Variants in SMARCA2 observed in about 807,000 individuals in gnomAD.
SMARCA2 encodes the protein SWI/SNF-related matrix-associated actin-dependent regulator of chromatin subfamily A member 2.
Under a neutral mutation model 199.8 loss-of-function variants are expected in SMARCA2, and 61 were observed. That is an observed-to-expected ratio of 0.31 (90% confidence interval 0.25 to 0.38). SMARCA2 has a LOEUF of 0.38. SMARCA2 is among the 10% of genes least tolerant of loss of function. The probability of loss-of-function intolerance (pLI) is 1.00; values close to 1 mark genes in which losing one functional copy is unlikely to be tolerated. For synonymous variants in SMARCA2, 935 were observed against 732.0 expected (o/e 1.28, Z -4.48); for missense variants, 1,344 against 2,012.2 (o/e 0.67, Z 6.35).
chr9:2,064,922 C>A (rs1393127744), intron 9 of SMARCA2, among the ~76,000 whole-genome samples: 1 of 152,246 alleles, frequency 6.6e-6, no homozygotes, highest in South Asian at 2.1e-4. Context: ...CGGCGGCTCA[C>A]GCCTGTAATC....
chr9:2,111,140 G>A (rs890818109), intron 24 of SMARCA2, among the ~76,000 whole-genome samples: 1 of 151,498 alleles, frequency 6.6e-6, no homozygotes, highest in African/African-American at 2.4e-5. Flanking sequence ...TATTGGGTAG[G>A]GTGATATTGG....
At chr9:2,105,217 C>G (rs570526935) in intron 23 of SMARCA2, among the ~76,000 whole-genome samples, 5 of 151,832 alleles carry the variant, frequency 3.3e-5, no homozygotes, top group African/African-American at 1.2e-4. Flanking sequence ...ATTAATTATA[C>G]CATTTGACAA....
intron 25 of SMARCA2, among the ~76,000 whole-genome samples, chr9:2,117,226 A>C (rs913759687): frequency 6.6e-6 from 1 of 152,172 alleles, no homozygotes; most frequent in African/African-American, 2.4e-5. Flanking sequence ...ATGTGAAGTA[A>C]AGCTTGATAT....
At chr9:2,063,920 C>G (rs376654836) in intron 9 of SMARCA2, among the ~76,000 whole-genome samples, 123 of 152,208 alleles carry the variant, frequency 8.1e-4, no homozygotes, top group Non-Finnish European at 1.3e-3. Flanking sequence ...CATTTTGTAA[C>G]TTCTCATTTT....
chr9:2,093,620 G>T (rs575656406), intron 19 of SMARCA2, among the ~76,000 whole-genome samples: 2 of 152,284 alleles, frequency 1.3e-5, no homozygotes, highest in African/African-American at 4.8e-5. Flanking sequence ...TAACAACCCT[G>T]GTCCCCAGAA....
At chr9:2,066,263 T>C (rs965658635) in intron 9 of SMARCA2, among the ~76,000 whole-genome samples, 18 of 152,234 alleles carry the variant, frequency 1.2e-4, no homozygotes, top group African/African-American at 4.1e-4. Context: ...CTTTATGTAA[T>C]GAGGCTGTTT....
intron 14 of SMARCA2, among the ~76,000 whole-genome samples, chr9:2,079,615 G>A (rs903154015): frequency 6.6e-6 from 1 of 152,096 alleles, no homozygotes; most frequent in Non-Finnish European, 1.5e-5. Flanking sequence ...GATCTTGGGG[G>A]GCCCTGAGAA....
chr9:2,085,783 C>T (rs1451048375), intron 17 of SMARCA2: 1 of 152,192 alleles, frequency 6.6e-6, no homozygotes, highest in Admixed American at 6.5e-5. Flanking sequence ...TCTCCCTTCT[C>T]TCTCTAGGAG....
rs1026129474 is a variant in SMARCA2, at chr9:2,056,994, A to C, written c.1347+149A>C. 100 of 677,798 alleles carry C rather than the reference A, an allele frequency of 1.5e-4. 1 individual carries two copies. The African/African-American group carries it at 1.7e-3, about 12-fold the overall frequency. 42.0% of individuals were successfully genotyped at this position (677,798 alleles called of 1,614,324 possible). ...CGGTTCCTTGACATGTACATAATCCAACCACATCATTTTATAGACAAAGAC... is the reference window on the plus strand; with the variant it reads ...CGGTTCCTTGACATGTACATAATCCCACCACATCATTTTATAGACAAAGAC... On this transcript the variant is annotated intron_variant, in intron 7 of 33. Coordinates refer to ENST00000349721, the MANE Select transcript of SMARCA2 (RefSeq NM_003070.5). The surrounding 1 kb of genome is among the most constrained non-coding windows in gnomAD (Gnocchi z 4.0).
intron 1 of SMARCA2, among the ~76,000 whole-genome samples, chr9:2,020,961 T>A (rs555296001): frequency 1.3e-5 from 2 of 152,250 alleles, no homozygotes; most frequent in African/African-American, 4.8e-5. Context: ...ATTATATAAT[T>A]GAAGCCTAGT....
chr9:2,091,083 CT>C (rs1563762218), intron 19 of SMARCA2, among the ~76,000 whole-genome samples: 1 of 152,110 alleles, frequency 6.6e-6, no homozygotes, highest in Non-Finnish European at 1.5e-5. Flanking sequence ...AGGAAAGAGG[CT>C]TTTACTTTTA....
intron 27 of SMARCA2, among the ~76,000 whole-genome samples, chr9:2,135,451 C>T (rs368738990): frequency 2.2e-4 from 34 of 152,292 alleles, no homozygotes; most frequent in African/African-American, 8.2e-4. Context: ...AATTAACCAT[C>T]ACATCAGTCA....
intron 19 of SMARCA2, among the ~76,000 whole-genome samples, chr9:2,091,712 C>G (rs1354249084): frequency 1.3e-5 from 2 of 152,148 alleles, no homozygotes; most frequent in Non-Finnish European, 2.9e-5. Context: ...ACTGGGTAGT[C>G]CCACCAGAAA....
At chr9:2,178,702 T>C (rs970630540) in intron 29 of SMARCA2, among the ~76,000 whole-genome samples, 2 of 151,982 alleles carry the variant, frequency 1.3e-5, no homozygotes, top group Admixed American at 6.5e-5. Flanking sequence ...GCTGCTTCAC[T>C]TCCTTTTTTG....
chr9:2,058,453 C>T lies in SMARCA2; in HGVS notation c.1510C>T (p.Arg504Trp), dbSNP rs576817778. Residue 504 changes from arginine (R) to tryptophan (W), a missense_variant, in exon 8 of 34, where the codon CGG becomes TGG. Physicochemically the swap from Arg to Trp is moderately radical, Grantham distance 101 (BLOSUM62 -3). This residue lies in a region of SMARCA2 where 155 missense variants were observed against 260.0 expected (regional missense o/e 0.60). Coordinates refer to ENST00000349721, the MANE Select transcript of SMARCA2 (RefSeq NM_003070.5). Reference protein sequence around the residue: ...ETERIEKERMRRLMAEDEEGY... With the variant: ...ETERIEKERMWRLMAEDEEGY... ...AGAGCGGATTGAAAAGGAGAGAATGCGGCGACTGATGGTAAGGAACTCCCT... is the reference window on the plus strand; with the variant it reads ...AGAGCGGATTGAAAAGGAGAGAATGTGGCGACTGATGGTAAGGAACTCCCT... 5.6e-6 allele frequency: 9 copies of T among 1,613,712 alleles called. No individual in the cohort carries two copies. The highest frequency in any genetic ancestry group is 5.9e-6 in the Non-Finnish European group (7 of 1,179,806).
chr9:2,123,830 G>C lies in SMARCA2; in HGVS notation c.3874G>C (p.Glu1292Gln). The stretch of plus-strand genomic sequence containing the variant: ...GATCATTAAGGATGACGCTGAAGTA[G>C]AAAGGCTCACCTGTGAAGAAGAGGA... ...SWIIKDDAEV[E>Q]RLTCEEEEEK... The change falls in exon 27 of 34, where the codon GAA (glutamate) becomes CAA (glutamine). Residue 1292 changes from glutamate (E) to glutamine (Q), a missense_variant. Physicochemically the swap from Glu to Gln is conservative, Grantham distance 29 (BLOSUM62 2). Transcript: ENST00000349721. This position sits in a 1 kb window ranked among gnomAD's most constrained non-coding sequence, Gnocchi z 4.1. The C allele has an allele frequency of 6.2e-7, 1 of 1,612,868 alleles. No individual in the cohort carries two copies. Among genetic ancestry groups the C allele is most frequent in the Non-Finnish European group, 8.5e-7 (1 of 1,179,562 alleles).
chr9:2,056,923 C>T lies in SMARCA2; in HGVS notation c.1347+78C>T. On this transcript the variant is annotated intron_variant, in intron 7 of 33. Transcript: ENST00000349721. This position sits in a 1 kb window ranked among gnomAD's most constrained non-coding sequence, Gnocchi z 4.0. ...AATTCATCAAATGGGGTCAGAATGACTGAAAAATGGACCCTTGTGGGTGGT... is the reference window on the plus strand; with the variant it reads ...AATTCATCAAATGGGGTCAGAATGATTGAAAAATGGACCCTTGTGGGTGGT... 7.4e-7 allele frequency: 1 copy of T among 1,344,536 alleles called. No individual in the cohort carries two copies. Among genetic ancestry groups the T allele is most frequent in the Non-Finnish European group, 1.0e-6 (1 of 974,602 alleles). 83.3% of individuals were successfully genotyped at this position (1,344,536 alleles called of 1,614,324 possible).
chr9:2,130,828 A>G (rs6475520), intron 27 of SMARCA2, among the ~76,000 whole-genome samples: 44,306 of 152,110 alleles, frequency 0.29, 11,765 homozygotes, highest in African/African-American at 0.7. Flanking sequence ...CAGGCATTCC[A>G]TCTACCTAAA....
chr9:2,131,877 C>T (rs1245349054), intron 27 of SMARCA2, among the ~76,000 whole-genome samples: 9 of 150,000 alleles, frequency 6.0e-5, no homozygotes, highest in Middle Eastern at 3.4e-3. Context: ...AGGTGGAGCC[C>T]GCAGTGAGCC....
Sources: allele counts gnomAD v4.1 joint callset (sites outside exome capture counted in the v4.1 genomes callset), GRCh38; gene constraint gnomAD v4.1.1; regional missense constraint gnomAD v4.1.1; non-coding constraint Gnocchi (gnomAD v3.1); transcripts MANE v1.5; gene names NCBI Gene and HGNC (gene_info 2026-07-23, HGNC 2026-07-21).